SEMA3A: variants seen among roughly 807,000 people sequenced by gnomAD.
The protein encoded by SEMA3A is semaphorin 3A.
Under a neutral mutation model 97.9 loss-of-function variants are expected in SEMA3A, and 29 were observed. The ratio of observed to expected loss-of-function variants is 0.30; its 90% CI spans 0.22 to 0.40. The LOEUF (loss-of-function observed/expected upper bound fraction) is 0.40, where lower values mean the gene tolerates loss of function less well. Ranked by LOEUF, SEMA3A falls within the 10% of genes least tolerant of loss-of-function variation. SEMA3A has a pLI of 1.00. For missense variants in SEMA3A, 763 were observed against 951.3 expected, an observed-to-expected ratio of 0.80 and a Z score of 2.60; for synonymous variants, 321 against 323.7, an observed-to-expected ratio of 0.99 and a Z score of 0.09.
chr7:84,403,481 C>T (rs965598082), intron 1 of SEMA3A, among the ~76,000 whole-genome samples: 21 of 152,278 alleles, frequency 1.4e-4, no homozygotes, highest in African/African-American at 3.4e-4. Context: ...AGGGCACAGA[C>T]GAACAAAAGA....
At chr7:84,391,037 C>T (rs1433833673) in intron 1 of SEMA3A, among the ~76,000 whole-genome samples, 1 of 152,128 alleles carries the variant, frequency 6.6e-6, no homozygotes, top group Non-Finnish European at 1.5e-5. Context: ...GGTCCACCTT[C>T]AAAACTTAGA....
At chr7:84,298,287 T>C (rs1194513408) in intron 3 of SEMA3A, among the ~76,000 whole-genome samples, 3 of 152,196 alleles carry the variant, frequency 2.0e-5, no homozygotes, top group African/African-American at 7.2e-5. Flanking sequence ...ATATGAATTC[T>C]AATGAAACCA....
intron 3 of SEMA3A, among the ~76,000 whole-genome samples, chr7:84,221,891 C>T (rs769498651): frequency 2.0e-5 from 3 of 151,974 alleles, no homozygotes; most frequent in East Asian, 1.9e-4. Context: ...GTTGAAAAAG[C>T]GGCATCTATA....
intron 1 of SEMA3A, among the ~76,000 whole-genome samples, chr7:84,417,985 A>C (rs1804479963): frequency 6.6e-6 from 1 of 152,142 alleles, no homozygotes; most frequent in Admixed American, 6.6e-5. Flanking sequence ...GACAGTTTTT[A>C]GGGATTTTCA....
intron 1 of SEMA3A, among the ~76,000 whole-genome samples, chr7:84,453,859 G>A (rs1237714877): frequency 6.6e-6 from 1 of 152,044 alleles, no homozygotes; most frequent in Non-Finnish European, 1.5e-5. Flanking sequence ...TTGATTAGAT[G>A]ATTTAATTCT....
rs922214915 is a variant in SEMA3A at position 83,958,619 on chromosome 7, A to T, written c.*2752T>A. 6.6e-6 allele frequency: 1 copy of T among 152,494 alleles called. No individual in the cohort carries two copies. Among genetic ancestry groups the T allele is most frequent in the African/African-American group, 2.4e-5 (1 of 41,438 alleles). The allele number at this position is 152,494 out of a possible 1,614,324, so 9.4% of individuals were successfully genotyped here. ...TTGAACACATTGAAATGGAGTACTT[A>T]TAGAAAGTTTTATTTTACACTGTTC... is the stretch of plus-strand genomic sequence containing the variant. On this transcript the variant is annotated 3_prime_UTR_variant, in exon 17 of 17. Coordinates refer to ENST00000265362, the MANE Select transcript of SEMA3A (RefSeq NM_006080.3).
At chr7:84,391,249 T>C (rs1435081104) in intron 1 of SEMA3A, among the ~76,000 whole-genome samples, 4 of 152,174 alleles carry the variant, frequency 2.6e-5, no homozygotes, top group African/African-American at 9.7e-5. Context: ...GCAATTGATG[T>C]TGGCTATAGA....
At chr7:84,134,584 T>C (rs1264670160) in intron 2 of SEMA3A, among the ~76,000 whole-genome samples, 1 of 152,320 alleles carries the variant, frequency 6.6e-6, no homozygotes, top group South Asian at 2.1e-4. Context: ...CTTATAATGA[T>C]TACTGCAAAT....
At chr7:84,361,014 T>C (rs1802705427) in intron 2 of SEMA3A, among the ~76,000 whole-genome samples, 1 of 152,112 alleles carries the variant, frequency 6.6e-6, no homozygotes, top group Admixed American at 6.6e-5. Flanking sequence ...TTATCAAGAA[T>C]TCAAAATTAG....
At chr7:84,153,076 C>A (rs143633443) in intron 1 of SEMA3A, among the ~76,000 whole-genome samples, 1 of 152,210 alleles carries the variant, frequency 6.6e-6, no homozygotes, top group South Asian at 2.1e-4. Flanking sequence ...ATCTTAATGA[C>A]TTTCACCTCA....
chr7:84,385,266 G>A (rs1803369003), intron 1 of SEMA3A, among the ~76,000 whole-genome samples: 1 of 152,122 alleles, frequency 6.6e-6, no homozygotes, highest in African/African-American at 2.4e-5. Flanking sequence ...GCCTAGATTT[G>A]TCTTTTGGGA....
At chr7:84,150,968 C>A (rs6950885) in intron 1 of SEMA3A, among the ~76,000 whole-genome samples, 28,871 of 147,164 alleles carry the variant, frequency 0.2, 2,996 homozygotes, top group South Asian at 0.24. Context: ...AGGCACCCCC[C>A]AGCAGGGGCA....
intron 1 of SEMA3A, among the ~76,000 whole-genome samples, chr7:84,393,749 T>G (rs1047143283): frequency 4.6e-5 from 7 of 152,268 alleles, no homozygotes; most frequent in Admixed American, 2.6e-4. Flanking sequence ...GATAAACAGA[T>G]GAGCCCTTGG....
chr7:84,202,362 A>T (rs183822789), intron 3 of SEMA3A, among the ~76,000 whole-genome samples: 1 of 152,330 alleles, frequency 6.6e-6, no homozygotes, highest in Admixed American at 6.5e-5. Flanking sequence ...TGTCAATTTT[A>T]AAAATAATAA....
intron 2 of SEMA3A, among the ~76,000 whole-genome samples, chr7:84,357,585 G>T (rs546162290): frequency 1.3e-5 from 2 of 151,992 alleles, no homozygotes; most frequent in African/African-American, 4.8e-5. Context: ...GAATAGTGCC[G>T]CAATAAACAT....
chr7:84,227,914 T>C (rs1320828014), intron 3 of SEMA3A, among the ~76,000 whole-genome samples: 3 of 151,534 alleles, frequency 2.0e-5, no homozygotes, highest in African/African-American at 7.3e-5. Context: ...TGTGCGTGCG[T>C]GTGTGTGTCA....
At chr7:83,985,386 C>A in intron 13 of SEMA3A, 50 bp downstream of exon 13, 1 of 1,326,450 alleles carries the variant, frequency 7.5e-7, no homozygotes, top group South Asian at 1.3e-5. Flanking sequence ...ATTGAAACAC[C>A]AGAATTAACA....
In SEMA3A at chr7:84,431,620, G is replaced by C. The variant is rs560975374; in HGVS notation, c.-245-59720C>G. Among the ~76,000 whole-genome samples the C allele has an allele frequency of 2.4e-3, 357 of 146,006 alleles. 1 individual carries two copies. Among genetic ancestry groups the C allele is most frequent in the African/African-American group, 8.0e-3 (325 of 40,572 alleles). On this transcript the variant is annotated intron_variant, in intron 1 of 3. Transcript: ENST00000424555. ...AGAAGCTACAGAAAATTAAAAATCA[G>C]AGTTTTTTTTTTAACAAGGCTACCT...
At chr7:84,249,344 GTC>G (rs138827108) in intron 3 of SEMA3A, among the ~76,000 whole-genome samples, 12,238 of 146,552 alleles carry the variant, frequency 0.084, 1,720 homozygotes, top group African/African-American at 0.29. Context: ...GCTGGTCACA[GTC>G]TCTCTCTCTC....
Sources: allele counts gnomAD v4.1 joint callset (sites outside exome capture counted in the v4.1 genomes callset), GRCh38; gene constraint gnomAD v4.1.1; transcripts MANE v1.5; gene names NCBI Gene and HGNC (gene_info 2026-07-23, HGNC 2026-07-21).